Variants in NOS1AP observed in about 807,000 individuals in gnomAD.
The protein encoded by NOS1AP is nitric oxide synthase 1 adaptor protein.
In NOS1AP, 21 loss-of-function variants were observed where a neutral mutation model predicts 56.2. The observed-to-expected ratio is 0.37, with a 90% CI of 0.26 to 0.54. The LOEUF is 0.54. Ranked by LOEUF, NOS1AP falls within the 20% of genes least tolerant of loss-of-function variation. The pLI is 0.84. For missense variants in NOS1AP, 522 were observed against 657.8 expected, an observed-to-expected ratio of 0.79 and a Z score of 2.26; for synonymous variants, 270 against 274.6, an observed-to-expected ratio of 0.98 and a Z score of 0.17.
At chr1:162,199,314 C>T (rs989843638) in intron 2 of NOS1AP, among the ~76,000 whole-genome samples, 5 of 152,146 alleles carry the variant, frequency 3.3e-5, no homozygotes, top group Admixed American at 6.6e-5. Context: ...ATATCTGCTC[C>T]GCTGCTGCAT....
intron 4 of NOS1AP, among the ~76,000 whole-genome samples, chr1:162,308,791 C>G (rs1213102991): frequency 6.6e-6 from 1 of 152,202 alleles, no homozygotes; most frequent in Non-Finnish European, 1.5e-5. Context: ...GGACACAGTC[C>G]TACCCTCAAG....
At chr1:162,315,764 T>G (rs189263689) in intron 4 of NOS1AP, among the ~76,000 whole-genome samples, 1 of 152,308 alleles carries the variant, frequency 6.6e-6, no homozygotes, top group Non-Finnish European at 1.5e-5. Context: ...CCTGTCAAAT[T>G]CTTATTAATC....
intron 9 of NOS1AP, among the ~76,000 whole-genome samples, chr1:162,366,020 A>C (rs1048654623): frequency 6.6e-6 from 1 of 152,178 alleles, no homozygotes; most frequent in Non-Finnish European, 1.5e-5. Flanking sequence ...AGACTCTGTC[A>C]CACAGAAAAA....
In NOS1AP at chr1:162,183,224, A is replaced by G. The variant is rs866660453; in HGVS notation, c.177+28748A>G. Among the ~76,000 whole-genome samples, 6 of 152,212 alleles carry G rather than the reference A, an allele frequency of 3.9e-5. 1 individual carries two copies. Among genetic ancestry groups the G allele is most frequent in the Admixed American group, 1.3e-4 (2 of 15,288 alleles). On this transcript the variant is annotated intron_variant, in intron 2 of 9. Coordinates refer to ENST00000361897, the MANE Select transcript of NOS1AP (RefSeq NM_014697.3). Reference sequence around the variant, plus strand: ...ACCAGGTGCATTGTTAATGACAGTAATATTTTGAAAGAAATATATTTCTGA... The same window carrying G: ...ACCAGGTGCATTGTTAATGACAGTAGTATTTTGAAAGAAATATATTTCTGA...
intron 2 of NOS1AP, among the ~76,000 whole-genome samples, chr1:162,248,118 AAT>A (rs141094392): frequency 1.3e-5 from 2 of 150,734 alleles, no homozygotes; most frequent in African/African-American, 2.4e-5. Flanking sequence ...TCCCACCTCT[AAT>A]ATATATATAT....
At chr1:162,099,047 T>A (rs994909261) in intron 1 of NOS1AP, among the ~76,000 whole-genome samples, 8 of 152,202 alleles carry the variant, frequency 5.3e-5, no homozygotes, top group Admixed American at 2.0e-4. Flanking sequence ...GATTGCTGGG[T>A]TGAATGGTAT....
chr1:162,276,553 G>A (rs1435766696), intron 2 of NOS1AP, among the ~76,000 whole-genome samples: 1 of 150,818 alleles, frequency 6.6e-6, no homozygotes, highest in East Asian at 2.0e-4. Context: ...CCAATGTCCA[G>A]GCTGCACTCT....
chr1:162,182,151 C>T (rs1422192438), intron 2 of NOS1AP, among the ~76,000 whole-genome samples: 2 of 152,138 alleles, frequency 1.3e-5, no homozygotes, highest in South Asian at 2.1e-4. Context: ...CTCAGAGGCC[C>T]AGAAAGAGGT....
At chr1:162,314,331 G>A (rs1656159681) in intron 4 of NOS1AP, among the ~76,000 whole-genome samples, 1 of 152,158 alleles carries the variant, frequency 6.6e-6, no homozygotes, top group South Asian at 2.1e-4. Context: ...CACTAATGAT[G>A]GAAAATTAAA....
chr1:162,264,611 A>G (rs1654360621), intron 2 of NOS1AP, among the ~76,000 whole-genome samples: 1 of 150,198 alleles, frequency 6.7e-6, no homozygotes, highest in African/African-American at 2.5e-5. Context: ...TGTTCAAGTG[A>G]TTCTCGTGCC....
rs184491534 is a variant in NOS1AP, at chr1:162,210,689, C to T, written c.177+56213C>T. 2.3e-4 allele frequency among the ~76,000 whole-genome samples: 35 copies of T among 152,318 alleles called. No individual in the cohort carries two copies. The East Asian group carries it at 6.5e-3, about 28-fold the overall frequency. ...CTGCTTCAAGGCCATGGTGGTGACT[C>T]CTCCTTCTCCTGGGCTGCCTTCATC... On this transcript the variant is annotated intron_variant, in intron 2 of 9. Transcript: ENST00000361897.
chr1:162,307,229 C>G (rs555272907), intron 4 of NOS1AP, among the ~76,000 whole-genome samples: 1 of 152,280 alleles, frequency 6.6e-6, no homozygotes, highest in East Asian at 1.9e-4. Context: ...CATCCCTTGT[C>G]CTAGTCTTAT....
intron 2 of NOS1AP, among the ~76,000 whole-genome samples, chr1:162,189,340 G>A (rs913923556): frequency 3.9e-5 from 6 of 152,166 alleles, no homozygotes; most frequent in African/African-American, 1.4e-4. Flanking sequence ...TGCTCATTTA[G>A]TTCTGCTAAT....
At position 162,316,535 on chromosome 1, in the gene NOS1AP, T is replaced by C. The variant is rs182451461; in HGVS notation, c.344+15829T>C. On this transcript the variant is annotated intron_variant, in intron 4 of 9. Transcript: ENST00000361897. Reference sequence around the variant, plus strand: ...GGATTATCTTGGCCTTTGACTGTCTTACATGTCCATGTGAAGAGACCCCCA... The same window carrying C: ...GGATTATCTTGGCCTTTGACTGTCTCACATGTCCATGTGAAGAGACCCCCA... 5.2e-3 allele frequency among the ~76,000 whole-genome samples: 793 copies of C among 152,340 alleles called. 9 individuals carry two copies. The highest frequency in any genetic ancestry group is 0.018 in the African/African-American group (760 of 41,570).
intron 2 of NOS1AP, among the ~76,000 whole-genome samples, chr1:162,193,100 C>T (rs1031652181): frequency 3.3e-5 from 5 of 152,132 alleles, no homozygotes; most frequent in Non-Finnish European, 7.4e-5. Flanking sequence ...ACAATAGTTA[C>T]AGATTTTTCT....
At chr1:162,220,728 C>G (rs1486101067) in intron 2 of NOS1AP, among the ~76,000 whole-genome samples, 2 of 152,170 alleles carry the variant, frequency 1.3e-5, no homozygotes, top group African/African-American at 4.8e-5. Context: ...CCTTTACTTT[C>G]TCCATGGCCT....
intron 1 of NOS1AP, among the ~76,000 whole-genome samples, chr1:162,123,087 A>G (rs1381712653): frequency 2.6e-5 from 4 of 152,222 alleles, no homozygotes; most frequent in African/African-American, 9.6e-5. Flanking sequence ...TCCAGTGCTT[A>G]TGCCACCAAT....
chr1:162,129,802 T>G (rs926230124), intron 1 of NOS1AP, among the ~76,000 whole-genome samples: 2 of 152,232 alleles, frequency 1.3e-5, no homozygotes, highest in African/African-American at 4.8e-5. Flanking sequence ...TCCCTCTTTT[T>G]GGCCTAGGCA....
intron 1 of NOS1AP, among the ~76,000 whole-genome samples, chr1:162,071,337 A>G (rs1320644977): frequency 6.6e-6 from 1 of 152,062 alleles, no homozygotes; most frequent in Non-Finnish European, 1.5e-5. Context: ...CTCTTTCTTG[A>G]TGGTGTACGT....
Sources: gnomAD v4.1 joint callset for allele counts (sites outside exome capture counted in the v4.1 genomes callset) on GRCh38, gnomAD v4.1.1 for gene constraint, MANE v1.5 for transcripts, NCBI Gene and HGNC (gene_info 2026-07-23, HGNC 2026-07-21) for gene names.